SLCO3A1: variants seen among roughly 807,000 people sequenced by gnomAD.
SLCO3A1 encodes the protein solute carrier organic anion transporter family member 3A1, also known as PGE1 transporter.
A neutral mutation model predicts 63.1 loss-of-function variants in SLCO3A1; 27 were observed. The observed-to-expected ratio is 0.43, with a 90% CI of 0.32 to 0.59. The LOEUF is 0.59. SLCO3A1 is among the 20% of genes least tolerant of loss of function. The pLI, the probability that SLCO3A1 is intolerant of heterozygous loss-of-function variation, is 0.09. For missense variants in SLCO3A1, 773 were observed against 945.8 expected (o/e 0.82, Z 2.40); for synonymous variants, 473 against 409.9 (o/e 1.15, Z -1.86).
rs1000489698 is a variant in SLCO3A1 at position 92,120,747 on chromosome 15, A to G, written c.1174+118A>G. On this transcript the variant is annotated intron_variant, in intron 5 of 9. Transcript: ENST00000318445. ...ACTCTGCTCTGGGCCTACAGCAACA[A>G]GATATATGTGGCCTCTGTGCACAAG... 23 of 804,702 alleles carry G rather than the reference A, an allele frequency of 2.9e-5. No individual in the cohort carries two copies. In the Admixed American group the frequency reaches 5.3e-4, roughly 19 times the overall value. 49.8% of individuals were successfully genotyped at this position (804,702 alleles called of 1,614,324 possible). A position where few individuals can be genotyped will look rare whatever the true frequency, so the allele number is the denominator to read the frequency against.
At chr15:91,990,186 G>A (rs1310495845) in intron 2 of SLCO3A1, among the ~76,000 whole-genome samples, 1 of 152,208 alleles carries the variant, frequency 6.6e-6, no homozygotes, top group African/African-American at 2.4e-5. Context: ...TATTTACAAT[G>A]TAGGGCACGG....
rs1239105216 is a variant in SLCO3A1, at chr15:91,853,843, G to A, written c.-66G>A. ...GAGGCGCGCACCCCCGCCCGGCAGCGGCCCCGACACCCGGGGCGAGCGGGA... is the reference window on the plus strand; with the variant it reads ...GAGGCGCGCACCCCCGCCCGGCAGCAGCCCCGACACCCGGGGCGAGCGGGA... On this transcript the variant is annotated 5_prime_UTR_variant, in exon 1 of 10. Coordinates refer to ENST00000318445, the MANE Select transcript of SLCO3A1 (RefSeq NM_013272.4). The A allele has an allele frequency of 1.6e-6, 2 of 1,218,426 alleles. No individual in the cohort carries two copies. The highest frequency in any genetic ancestry group is 2.0e-6 in the Non-Finnish European group (2 of 981,240). 75.5% of individuals were successfully genotyped at this position (1,218,426 alleles called of 1,614,324 possible).
chr15:91,949,230 C>T (rs1336508452), intron 2 of SLCO3A1, among the ~76,000 whole-genome samples: 1 of 152,118 alleles, frequency 6.6e-6, no homozygotes, highest in African/African-American at 2.4e-5. Flanking sequence ...ACCAATAGGA[C>T]CAGACTGTCT....
chr15:92,136,393 A>G (rs1262007391), intron 7 of SLCO3A1, among the ~76,000 whole-genome samples: 1 of 152,248 alleles, frequency 6.6e-6, no homozygotes, highest in East Asian at 1.9e-4. Flanking sequence ...AACACTGCTG[A>G]GCAGTATCTT....
intron 2 of SLCO3A1, among the ~76,000 whole-genome samples, chr15:92,028,947 G>A (rs1023768978): frequency 8.6e-5 from 13 of 150,570 alleles, no homozygotes; most frequent in Non-Finnish European, 1.8e-4. Flanking sequence ...GTGTGTGTAC[G>A]TACATGAGAA....
intron 2 of SLCO3A1, among the ~76,000 whole-genome samples, chr15:91,945,261 G>A (rs1243867046): frequency 3.3e-5 from 5 of 151,132 alleles, no homozygotes; most frequent in African/African-American, 1.2e-4. Context: ...AGAATCACTT[G>A]AACCTGGGAG....
chr15:91,996,354 A>G (rs534986409), intron 2 of SLCO3A1, among the ~76,000 whole-genome samples: 14 of 152,198 alleles, frequency 9.2e-5, no homozygotes, highest in Non-Finnish European at 1.9e-4. Context: ...TATTTAAACA[A>G]AGGGTAAAAT....
rs761867816 is a variant in SLCO3A1 at position 92,151,013 on chromosome 15, G to A, written c.1752G>A (p.Leu584=). 1.9e-6 allele frequency: 3 copies of A among 1,606,778 alleles called. No individual in the cohort carries two copies. The highest frequency in any genetic ancestry group is 1.3e-5 in the African/African-American group (1 of 74,754). ...LGVLFLLLRL[L]GFIPPPLIFG... ...TTCTTTTTCTCCTCCTTCGTTTGTT[G>A]GGTATGTATTATCTCTTTATTTCCT... The change falls in exon 9 of 10, where the codon TTG becomes TTA. Residue 584 remains leucine (L), a splice_region_variant and synonymous_variant. Coordinates refer to ENST00000318445, the MANE Select transcript of SLCO3A1 (RefSeq NM_013272.4).
intron 2 of SLCO3A1, among the ~76,000 whole-genome samples, chr15:91,924,860 T>C (rs570981907): frequency 2.0e-5 from 3 of 152,312 alleles, no homozygotes; most frequent in African/African-American, 7.2e-5. Flanking sequence ...CCAAAACCAT[T>C]TGTGGCTGGT....
At chr15:92,053,685 T>TG (rs2046986548) in intron 2 of SLCO3A1, among the ~76,000 whole-genome samples, 1 of 9,362 alleles carries the variant, frequency 1.1e-4, no homozygotes, top group Middle Eastern at 0.042. Flanking sequence ...TGTTTTTTTG[T>TG]TTGTTTGTTT....
At chr15:91,932,211 A>G (rs1344754881) in intron 2 of SLCO3A1, among the ~76,000 whole-genome samples, 1 of 152,196 alleles carries the variant, frequency 6.6e-6, no homozygotes, top group Non-Finnish European at 1.5e-5. Context: ...AGACTTGAAT[A>G]TAATGTTCAC....
At chr15:92,092,931 A>G (rs1195638873) in intron 2 of SLCO3A1, among the ~76,000 whole-genome samples, 1 of 152,216 alleles carries the variant, frequency 6.6e-6, no homozygotes, top group East Asian at 1.9e-4. Flanking sequence ...CTGGTTGGCC[A>G]TGGAGTGACT....
intron 2 of SLCO3A1, among the ~76,000 whole-genome samples, chr15:91,966,080 G>A (rs1285220291): frequency 6.6e-5 from 10 of 152,162 alleles, no homozygotes; most frequent in Admixed American, 5.9e-4. Flanking sequence ...TTTGGCAGCC[G>A]CAGGGCATTT....
intron 2 of SLCO3A1, among the ~76,000 whole-genome samples, chr15:91,920,293 C>T (rs889899445): frequency 6.6e-6 from 1 of 152,100 alleles, no homozygotes; most frequent in African/African-American, 2.4e-5. Context: ...GTGCACGGTC[C>T]AGGGAGTCAG....
intron 2 of SLCO3A1, among the ~76,000 whole-genome samples, chr15:92,056,113 T>A (rs1435874735): frequency 6.6e-6 from 1 of 152,202 alleles, no homozygotes; most frequent in East Asian, 1.9e-4. Context: ...TGTCTGCATC[T>A]AGTAACACCT....
intron 2 of SLCO3A1, among the ~76,000 whole-genome samples, chr15:92,009,995 C>T (rs571538951): frequency 2.0e-5 from 3 of 152,282 alleles, no homozygotes; most frequent in Non-Finnish European, 1.5e-5. Flanking sequence ...CCCCAGACTT[C>T]ATTGTGTAGC....
intron 10 of SLCO3A1, chr15:92,171,119 G>T (rs1567160687): frequency 6.6e-6 from 1 of 152,186 alleles, no homozygotes; most frequent in Non-Finnish European, 1.5e-5. Context: ...TGGCCTCGTT[G>T]TGCCTATTGA....
intron 2 of SLCO3A1, among the ~76,000 whole-genome samples, chr15:92,016,732 G>C (rs2046442530): frequency 6.6e-6 from 1 of 152,156 alleles, no homozygotes. Context: ...TGAGGAAGAA[G>C]ACCACAAAGA....
intron 5 of SLCO3A1, among the ~76,000 whole-genome samples, chr15:92,121,844 T>A (rs931456191): frequency 6.6e-5 from 10 of 152,120 alleles, no homozygotes; most frequent in African/African-American, 2.2e-4. Context: ...ATGTGAGCAG[T>A]CAAGCAAGGT....
Sources: allele counts gnomAD v4.1 joint callset (sites outside exome capture counted in the v4.1 genomes callset), GRCh38; gene constraint gnomAD v4.1.1; transcripts MANE v1.5; gene names NCBI Gene and HGNC (gene_info 2026-07-23, HGNC 2026-07-21).